ZDHHC14: variants seen among roughly 807,000 people sequenced by gnomAD.
The protein encoded by ZDHHC14 is palmitoyltransferase ZDHHC14.
In ZDHHC14, 16 loss-of-function variants were observed where a neutral mutation model predicts 47.7. The ratio of observed to expected loss-of-function variants is 0.34; its 90% CI spans 0.23 to 0.51. The LOEUF is 0.51. ZDHHC14 is among the 20% of genes least tolerant of loss of function. The probability of loss-of-function intolerance (pLI) is 0.97; values close to 1 mark genes in which losing one functional copy is unlikely to be tolerated. For missense variants in ZDHHC14, 515 were observed against 662.5 expected (o/e 0.78, Z 2.44); for synonymous variants, 293 against 278.9 (o/e 1.05, Z -0.50).
At chr6:157,385,925 G>A (rs1777300406) in intron 1 of ZDHHC14, among the ~76,000 whole-genome samples, 1 of 152,170 alleles carries the variant, frequency 6.6e-6, no homozygotes, top group Non-Finnish European at 1.5e-5. Flanking sequence ...TCTGTAAACT[G>A]AGATTAATAA....
At chr6:157,464,106 CTG>C (rs970262478) in intron 1 of ZDHHC14, among the ~76,000 whole-genome samples, 3 of 152,156 alleles carry the variant, frequency 2.0e-5, no homozygotes, top group Admixed American at 2.0e-4. Context: ...AAAACATAAG[CTG>C]TAATAGAAGT....
chr6:157,426,866 C>T (rs952634665), intron 1 of ZDHHC14, among the ~76,000 whole-genome samples: 2 of 152,202 alleles, frequency 1.3e-5, no homozygotes, highest in Non-Finnish European at 2.9e-5. Context: ...AGAGCGTTTT[C>T]CGTGGAAACG....
chr6:157,484,687 G>A (rs769838184), intron 1 of ZDHHC14, among the ~76,000 whole-genome samples: 11 of 151,512 alleles, frequency 7.3e-5, no homozygotes, highest in Non-Finnish European at 1.3e-4. Flanking sequence ...TACCATGGGC[G>A]ATTTTTGTGA....
rs139395438 is a variant in ZDHHC14, at chr6:157,503,791, T to C, written c.246-38794T>C. ...TGACATGCTTTTTACTCCCACAAAG[T>C]TGGCAAAAATTAAGAAGTCTGACAT... On this transcript the variant is annotated intron_variant, in intron 1 of 8. Coordinates refer to ENST00000359775, the MANE Select transcript of ZDHHC14 (RefSeq NM_024630.3). 7.4e-4 allele frequency among the ~76,000 whole-genome samples: 112 copies of C among 152,294 alleles called. 1 individual carries two copies. The East Asian group carries it at 0.019, about 25-fold the overall frequency.
chr6:157,445,192 T>G (rs1313046277), intron 1 of ZDHHC14, among the ~76,000 whole-genome samples: 1 of 151,218 alleles, frequency 6.6e-6, no homozygotes, highest in South Asian at 2.1e-4. Context: ...CATCATCATT[T>G]TATATATATA....
At chr6:157,623,330 A>G (rs1176790367) in intron 3 of ZDHHC14, among the ~76,000 whole-genome samples, 1 of 152,036 alleles carries the variant, frequency 6.6e-6, no homozygotes, top group Non-Finnish European at 1.5e-5. Context: ...ATGGTTTTAT[A>G]AGGGACTTCC....
intron 1 of ZDHHC14, among the ~76,000 whole-genome samples, chr6:157,524,897 T>C (rs1781102111): frequency 6.6e-6 from 1 of 152,240 alleles, no homozygotes; most frequent in Non-Finnish European, 1.5e-5. Context: ...TAGTGAGCTA[T>C]TGCTGTGTAA....
chr6:157,429,618 A>G (rs1778296714), intron 1 of ZDHHC14, among the ~76,000 whole-genome samples: 1 of 151,742 alleles, frequency 6.6e-6, no homozygotes, highest in African/African-American at 2.4e-5. Flanking sequence ...AGGGGAAGGA[A>G]GGAGGGGAAA....
intron 1 of ZDHHC14, among the ~76,000 whole-genome samples, chr6:157,414,246 C>T (rs1279198655): frequency 1.3e-5 from 2 of 152,176 alleles, no homozygotes; most frequent in African/African-American, 2.4e-5. Flanking sequence ...GGTTCTTGTT[C>T]TGGCTCTGCC....
intron 1 of ZDHHC14, among the ~76,000 whole-genome samples, chr6:157,469,580 T>C (rs1243846341): frequency 6.6e-6 from 1 of 152,228 alleles, no homozygotes; most frequent in Non-Finnish European, 1.5e-5. Flanking sequence ...TCTGTGGCTG[T>C]TGCAGGTCAG....
At chr6:157,437,828 A>C (rs928840836) in intron 1 of ZDHHC14, among the ~76,000 whole-genome samples, 1 of 152,204 alleles carries the variant, frequency 6.6e-6, no homozygotes, top group African/African-American at 2.4e-5. Context: ...GTGATTATAT[A>C]GGTCAGATTT....
chr6:157,641,114 T>C (rs1777227876), intron 5 of ZDHHC14, among the ~76,000 whole-genome samples: 1 of 152,174 alleles, frequency 6.6e-6, no homozygotes, highest in African/African-American at 2.4e-5. Context: ...TTTCGTAGAA[T>C]TCCACAGTGT....
At position 157,582,578 on chromosome 6, in the gene ZDHHC14, G is replaced by C. The variant is rs1783555188; in HGVS notation, c.407-10410G>C. Among the ~76,000 whole-genome samples, 1 of 152,050 alleles carries C rather than the reference G, an allele frequency of 6.6e-6. No homozygotes were observed. Among genetic ancestry groups the C allele is most frequent in the Non-Finnish European group, 1.5e-5 (1 of 68,014 alleles). On this transcript the variant is annotated intron_variant, in intron 2 of 8. Coordinates refer to ENST00000359775, the MANE Select transcript of ZDHHC14 (RefSeq NM_024630.3). This position sits in a 1 kb window ranked among gnomAD's most constrained non-coding sequence, Gnocchi z 4.3. ...TAGCCTGATCTCTTCTGGCTTTTAG[G>C]GCTTCTGCTGAAAGATCTGCTGTTA...
At chr6:157,460,057 CA>C (rs35995673) in intron 1 of ZDHHC14, among the ~76,000 whole-genome samples, 24,996 of 117,954 alleles carry the variant, frequency 0.21, 2,377 homozygotes, top group East Asian at 0.39. Flanking sequence ...ACTAAAAATA[CA>C]AAAAAAAAAA....
chr6:157,531,949 G>C (rs1019792368), intron 1 of ZDHHC14, among the ~76,000 whole-genome samples: 1 of 152,288 alleles, frequency 6.6e-6, no homozygotes, highest in African/African-American at 2.4e-5. Flanking sequence ...CGGGATGGGC[G>C]TGGGGGTGCC....
At chr6:157,631,667 A>T (rs1465565416) in intron 4 of ZDHHC14, 1 of 152,254 alleles carries the variant, frequency 6.6e-6, no homozygotes, top group Non-Finnish European at 1.5e-5. Context: ...GGGAAGGCGA[A>T]GTCTGGATTT....
At chr6:157,508,144 C>T (rs1780376474) in intron 1 of ZDHHC14, among the ~76,000 whole-genome samples, 1 of 152,130 alleles carries the variant, frequency 6.6e-6, no homozygotes, top group Admixed American at 6.5e-5. Flanking sequence ...AGATGTTGTT[C>T]TTTACAGCTG....
Position 157,452,278 on chromosome 6 carries a change from A to G in ZDHHC14, c.245+70012A>G, listed in dbSNP as rs1311623535. Among the ~76,000 whole-genome samples, 3 of 151,894 alleles carry G rather than the reference A, an allele frequency of 2.0e-5. No homozygotes were observed. The East Asian group carries it at 5.8e-4, about 29-fold the overall frequency. On this transcript the variant is annotated intron_variant, in intron 1 of 8. Coordinates refer to ENST00000359775, the MANE Select transcript of ZDHHC14 (RefSeq NM_024630.3). ...TTTTTTTATAACTAGACTCACTTGA[A>G]AAGACTTCAGTTTGTCCATGTACCA...
intron 8 of ZDHHC14, among the ~76,000 whole-genome samples, chr6:157,669,670 C>T (rs1778705243): frequency 6.6e-6 from 1 of 152,266 alleles, no homozygotes; most frequent in African/African-American, 2.4e-5. Flanking sequence ...TTGCCATTTC[C>T]TTGTTCCTTA....
Sources: gnomAD v4.1 joint callset for allele counts (sites outside exome capture counted in the v4.1 genomes callset) on GRCh38, gnomAD v4.1.1 for gene constraint, Gnocchi (gnomAD v3.1) non-coding constraint, MANE v1.5 for transcripts, NCBI Gene and HGNC (gene_info 2026-07-23, HGNC 2026-07-21) for gene names.